APBB2: variants seen among roughly 807,000 people sequenced by gnomAD.
The protein encoded by APBB2 is Fe65-like 1.
Under a neutral mutation model 82.5 loss-of-function variants are expected in APBB2, and 38 were observed. The ratio of observed to expected loss-of-function variants is 0.46; its 90% CI spans 0.36 to 0.60. APBB2 has a LOEUF of 0.60. APBB2 is among the 20% of genes least tolerant of loss of function. The probability of loss-of-function intolerance (pLI) is 0.00; values close to 1 mark genes in which losing one functional copy is unlikely to be tolerated. For synonymous variants in APBB2, 341 were observed against 368.2 expected, an observed-to-expected ratio of 0.93 and a Z score of 0.85; for missense variants, 772 against 972.3, an observed-to-expected ratio of 0.79 and a Z score of 2.74.
intron 3 of APBB2, among the ~76,000 whole-genome samples, chr4:41,088,836 G>C (rs1740760152): frequency 6.6e-6 from 1 of 152,162 alleles, no homozygotes; most frequent in Non-Finnish European, 1.5e-5. Context: ...AGGAAAATGG[G>C]AAAGCAGAGT....
intron 1 of APBB2, among the ~76,000 whole-genome samples, chr4:41,188,324 A>G (rs1308201303): frequency 6.6e-6 from 1 of 152,228 alleles, no homozygotes; most frequent in Non-Finnish European, 1.5e-5. Flanking sequence ...AGGCAGGAAG[A>G]TTTCCAGCTG....
intron 6 of APBB2, among the ~76,000 whole-genome samples, chr4:40,946,612 G>C (rs371193972): frequency 6.6e-6 from 1 of 151,430 alleles, no homozygotes; most frequent in South Asian, 2.1e-4. Flanking sequence ...AGAGGGGAGA[G>C]GAAGTAGAAT....
intron 7 of APBB2, among the ~76,000 whole-genome samples, chr4:40,938,549 C>G (rs1439331278): frequency 6.6e-6 from 1 of 152,160 alleles, no homozygotes; most frequent in African/African-American, 2.4e-5. Context: ...AAAAGGCCAA[C>G]AATGGAGTTG....
At chr4:40,931,786 T>C (rs1210165230) in intron 10 of APBB2, among the ~76,000 whole-genome samples, 1 of 152,154 alleles carries the variant, frequency 6.6e-6, no homozygotes, top group South Asian at 2.1e-4. Flanking sequence ...TATTCTCTTA[T>C]ATTTTCTGTG....
At chr4:40,854,183 G>T (rs927174512) in intron 12 of APBB2, among the ~76,000 whole-genome samples, 2 of 152,154 alleles carry the variant, frequency 1.3e-5, no homozygotes, top group Non-Finnish European at 2.9e-5. Flanking sequence ...GGTTATTTAT[G>T]GAGGGCATCC....
At chr4:41,185,762 T>G (rs1446302351) in intron 1 of APBB2, among the ~76,000 whole-genome samples, 1 of 152,252 alleles carries the variant, frequency 6.6e-6, no homozygotes, top group Non-Finnish European at 1.5e-5. Flanking sequence ...AGCTGATTTC[T>G]ACCTGGTCAC....
chr4:40,930,473 G>T (rs533352929), intron 10 of APBB2, among the ~76,000 whole-genome samples: 1 of 141,648 alleles, frequency 7.1e-6, no homozygotes, highest in East Asian at 2.0e-4. Context: ...GCGCGTGCGC[G>T]TGCGCGTATG....
intron 5 of APBB2, among the ~76,000 whole-genome samples, chr4:41,029,483 C>T (rs187195421): frequency 6.6e-6 from 1 of 152,300 alleles, no homozygotes; most frequent in Admixed American, 6.5e-5. Context: ...CAGATACAAT[C>T]AGATCTTACC....
chr4:40,904,062 T>C (rs1776043957), intron 10 of APBB2, among the ~76,000 whole-genome samples: 2 of 152,294 alleles, frequency 1.3e-5, no homozygotes, highest in South Asian at 4.1e-4. Context: ...CTAGTTACTG[T>C]AGCCAGTAGA....
chr4:40,832,472 G>A lies in APBB2; in HGVS notation c.1530-1895C>T, dbSNP rs540189824. 2.0e-5 allele frequency among the ~76,000 whole-genome samples: 3 copies of A among 152,176 alleles called. No individual in the cohort carries two copies. Among genetic ancestry groups the A allele is most frequent in the East Asian group, 3.9e-4 (2 of 5,186 alleles). On this transcript the variant is annotated intron_variant, in intron 12 of 17. Transcript: ENST00000508593. The surrounding 1 kb of genome is among the most constrained non-coding windows in gnomAD (Gnocchi z 4.8). ...TCCCAACCTACTCCTGCTTCCTCAC[G>A]TTCTAGCTCAGTGTCCTCCATGCTA...
At chr4:40,952,233 T>A (rs1419760019) in intron 6 of APBB2, among the ~76,000 whole-genome samples, 2 of 151,202 alleles carry the variant, frequency 1.3e-5, no homozygotes, top group African/African-American at 4.9e-5. Flanking sequence ...TATGGTGACT[T>A]TCATAGGAGA....
rs185151270 is a variant in APBB2, at chr4:41,007,809, G to A, written c.835+5774C>T. Among the ~76,000 whole-genome samples the A allele has an allele frequency of 4.8e-3, 731 of 152,326 alleles. 7 individuals are homozygous for A. Among genetic ancestry groups the A allele is most frequent in the African/African-American group, 0.016 (681 of 41,576 alleles). On this transcript the variant is annotated intron_variant, in intron 6 of 17. Transcript: ENST00000508593. Reference sequence around the variant, plus strand: ...TTTTACTATGTGCCACATACCGTGTGAAGAAGTTCATATACACACATAATG... The same window carrying A: ...TTTTACTATGTGCCACATACCGTGTAAAGAAGTTCATATACACACATAATG...
chr4:41,099,419 TG>T (rs1744623924), intron 3 of APBB2, among the ~76,000 whole-genome samples: 1 of 152,106 alleles, frequency 6.6e-6, no homozygotes, highest in South Asian at 2.1e-4. Context: ...TTAGCAGAGA[TG>T]GGGTTTCTCC....
In APBB2 at chr4:40,893,308, T is replaced by G; in HGVS notation, c.1358A>C (p.Tyr453Ser). 2 of 1,613,928 alleles carry G rather than the reference T, an allele frequency of 1.2e-6. No individual in the cohort carries two copies. Residue 453 changes from tyrosine (Y) to serine (S), a missense_variant, in exon 11 of 18, where the codon TAC becomes TCC. Coordinates refer to ENST00000508593, the MANE Select transcript of APBB2 (RefSeq NM_004307.2). ...AVNNCIRQLS[Y>S]CKNDIRDTVG... ...TGTGTCTCGGATGTCATTTTTGCAG[T>G]AGGAAAGTTGCCTGATGCAGTTGTT... is the stretch of plus-strand genomic sequence containing the variant.
intron 4 of APBB2, among the ~76,000 whole-genome samples, chr4:41,059,466 G>T (rs980643584): frequency 1.3e-5 from 2 of 152,384 alleles, no homozygotes; most frequent in Non-Finnish European, 2.9e-5. Context: ...CGGCAGCACT[G>T]TGACATGTTC....
chr4:40,853,535 C>T (rs760356378), intron 12 of APBB2, among the ~76,000 whole-genome samples: 4 of 152,020 alleles, frequency 2.6e-5, no homozygotes, highest in East Asian at 1.9e-4. Context: ...CTGCAACCTC[C>T]GCCTCCTGGG....
At position 40,906,474 on chromosome 4, in the gene APBB2, AAAAAAAAAAAAAAAGAAAAG is replaced by A. The variant is rs1316562713; in HGVS notation, c.1255-13083_1255-13064del. Among the ~76,000 whole-genome samples the A allele has an allele frequency of 4.0e-5, 6 of 150,068 alleles. No individual in the cohort carries two copies. In the East Asian group the frequency reaches 1.2e-3, roughly 29 times the overall value. On this transcript the variant is annotated intron_variant, in intron 10 of 17. Transcript: ENST00000508593. ...GAGTGAAACCTGTCTCAAAAAAAAAAAAAAAAAAAAAAAAGAAAAGAAAAGAAAAGAAAAAAGAAAACAAA... is the reference window on the plus strand; with the variant it reads ...GAGTGAAACCTGTCTCAAAAAAAAAAAAAAGAAAAGAAAAAAGAAAACAAA...
intron 4 of APBB2, among the ~76,000 whole-genome samples, chr4:41,052,364 C>A (rs1316690127): frequency 6.6e-6 from 1 of 152,154 alleles, no homozygotes; most frequent in East Asian, 1.9e-4. Flanking sequence ...CTTCTCCTAC[C>A]TGATCCCAAG....
chr4:41,124,394 A>G (rs868309369), intron 2 of APBB2, among the ~76,000 whole-genome samples: 49 of 151,988 alleles, frequency 3.2e-4, no homozygotes, highest in Non-Finnish European at 6.3e-4. Context: ...AATTTTTTGT[A>G]TTTTTAGTAG....
Sources: gnomAD v4.1 joint callset for allele counts (sites outside exome capture counted in the v4.1 genomes callset) on GRCh38, gnomAD v4.1.1 for gene constraint, Gnocchi (gnomAD v3.1) non-coding constraint, MANE v1.5 for transcripts, NCBI Gene and HGNC (gene_info 2026-07-23, HGNC 2026-07-21) for gene names.